The following SENP7 variants were observed in gnomAD, a reference collection of about 807,000 sequenced individuals.
The protein encoded by SENP7 is sentrin-specific protease 7.
In SENP7, 64 loss-of-function variants were observed where a neutral mutation model predicts 141.2. The ratio of observed to expected loss-of-function variants is 0.45; its 90% CI spans 0.37 to 0.56. The LOEUF is 0.56. SENP7 is among the 20% of genes least tolerant of loss of function. SENP7 has a pLI of 0.00. For synonymous variants in SENP7, 382 were observed against 426.4 expected (o/e 0.90, Z 1.28); for missense variants, 1,025 against 1,212.2 (o/e 0.85, Z 2.29).
chr3:101,426,094 A>G (rs1330037163), intron 4 of SENP7, among the ~76,000 whole-genome samples: 4 of 152,338 alleles, frequency 2.6e-5, no homozygotes, highest in East Asian at 3.9e-4. Context: ...ATTTCTGAAT[A>G]TCATCCATGA....
intron 4 of SENP7, chr3:101,457,507 T>C (rs919056840): frequency 2.9e-5 from 46 of 1,609,572 alleles, no homozygotes; most frequent in Non-Finnish European, 3.7e-5. Context: ...TTAGGGTTGT[T>C]AAAGTGGATC....
At chr3:101,415,705 A>G (rs2061597319) in intron 5 of SENP7, among the ~76,000 whole-genome samples, 1 of 152,204 alleles carries the variant, frequency 6.6e-6, no homozygotes, top group South Asian at 2.1e-4. Flanking sequence ...TGACTTCTTT[A>G]AAGCAAAGGA....
At chr3:101,494,307 T>C (rs1287245824) in intron 2 of SENP7, among the ~76,000 whole-genome samples, 1 of 152,202 alleles carries the variant, frequency 6.6e-6, no homozygotes, top group Admixed American at 6.5e-5. Flanking sequence ...AATTCAACAA[T>C]GGTAGCCATT....
chr3:101,428,530 CT>C (rs2062041682), intron 4 of SENP7, among the ~76,000 whole-genome samples: 1 of 152,190 alleles, frequency 6.6e-6, no homozygotes, highest in Non-Finnish European at 1.5e-5. Context: ...CCTTCACCTA[CT>C]TTTTGATGAG....
intron 5 of SENP7, chr3:101,414,261 G>A (rs772336562): frequency 2.1e-5 from 12 of 579,254 alleles, no homozygotes; most frequent in African/African-American, 6.0e-5. Context: ...TGGTAGAATC[G>A]ATGGTGAAGA....
At chr3:101,429,062 G>C (rs1474789160) in intron 4 of SENP7, among the ~76,000 whole-genome samples, 3 of 152,074 alleles carry the variant, frequency 2.0e-5, no homozygotes, top group Admixed American at 6.6e-5. Context: ...ATCTGTTTTG[G>C]TACCAGTACC....
chr3:101,407,663 T>C (rs1000837864), intron 5 of SENP7, among the ~76,000 whole-genome samples: 3 of 152,224 alleles, frequency 2.0e-5, no homozygotes, highest in East Asian at 1.9e-4. Flanking sequence ...CACATGGAAA[T>C]TAAATAACCT....
chr3:101,410,134 T>C (rs1015411087), intron 5 of SENP7, among the ~76,000 whole-genome samples: 88 of 151,964 alleles, frequency 5.8e-4, no homozygotes, highest in African/African-American at 1.9e-3. Context: ...AGGATATGAA[T>C]AGACAATTCT....
At chr3:101,498,857 T>C (rs958055001) in intron 2 of SENP7, among the ~76,000 whole-genome samples, 9 of 152,246 alleles carry the variant, frequency 5.9e-5, no homozygotes, top group South Asian at 4.1e-4. Flanking sequence ...GGGATCTAGG[T>C]TGCATGCTCC....
intron 6 of SENP7, among the ~76,000 whole-genome samples, chr3:101,393,693 T>G (rs546490132): frequency 6.6e-6 from 1 of 152,294 alleles, no homozygotes; most frequent in South Asian, 2.1e-4. Context: ...GAATAGAAAT[T>G]TATTTAGCTC....
chr3:101,340,292 T>C (rs2059296201), intron 15 of SENP7, 81 bp from the exon 16 acceptor site: 5 of 1,448,884 alleles, frequency 3.5e-6, no homozygotes, highest in Admixed American at 2.9e-5. Context: ...AAACAATAAC[T>C]GGGCAGTGGT....
chr3:101,393,864 C>T (rs144238620), intron 6 of SENP7, among the ~76,000 whole-genome samples: 6 of 152,130 alleles, frequency 3.9e-5, no homozygotes, highest in East Asian at 1.9e-4. Flanking sequence ...CTCATTCTCA[C>T]GGGTACATAT....
At chr3:101,404,037 A>C (rs2061230102) in intron 5 of SENP7, among the ~76,000 whole-genome samples, 1 of 152,200 alleles carries the variant, frequency 6.6e-6, no homozygotes, top group Non-Finnish European at 1.5e-5. Context: ...TCATACTACC[A>C]ACAACATTCT....
chr3:101,432,613 G>A (rs1000009165), intron 4 of SENP7, among the ~76,000 whole-genome samples: 2 of 152,192 alleles, frequency 1.3e-5, no homozygotes, highest in Non-Finnish European at 2.9e-5. Flanking sequence ...TTGGTAGAAA[G>A]TAAGGGAAAA....
chr3:101,467,707 C>G (rs182307988), intron 3 of SENP7, among the ~76,000 whole-genome samples: 1 of 152,218 alleles, frequency 6.6e-6, no homozygotes, highest in East Asian at 1.9e-4. Flanking sequence ...CTGTAGGTCA[C>G]CAACATCAAA....
intron 3 of SENP7, among the ~76,000 whole-genome samples, chr3:101,467,047 G>A (rs992310624): frequency 2.0e-5 from 3 of 152,168 alleles, no homozygotes; most frequent in Admixed American, 6.5e-5. Flanking sequence ...TGCCTGGCTC[G>A]GCAGGTCCCA....
chr3:101,471,629 A>G (rs1173656564), intron 3 of SENP7, among the ~76,000 whole-genome samples: 1 of 152,238 alleles, frequency 6.6e-6, no homozygotes, highest in African/African-American at 2.4e-5. Flanking sequence ...AAGCAATGGC[A>G]ACAAAAGCCA....
chr3:101,334,353 AG>A, intron 17 of SENP7, among the ~76,000 whole-genome samples: 1 of 152,276 alleles, frequency 6.6e-6, no homozygotes, highest in Middle Eastern at 3.4e-3. Context: ...GACATTTAAC[AG>A]GGGGATAAAG....
intron 3 of SENP7, among the ~76,000 whole-genome samples, chr3:101,472,665 T>A (rs1276270493): frequency 6.6e-6 from 1 of 152,022 alleles, no homozygotes; most frequent in Non-Finnish European, 1.5e-5. Flanking sequence ...AATAATTTTT[T>A]AAAAACCACC....
Sources: allele counts gnomAD v4.1 joint callset (sites outside exome capture counted in the v4.1 genomes callset), GRCh38; gene constraint gnomAD v4.1.1; transcripts MANE v1.5; gene names NCBI Gene and HGNC (gene_info 2026-07-23, HGNC 2026-07-21).